Variants in SPART observed in about 807,000 individuals in gnomAD.
SPART encodes spartin, also known as spastic paraplegia 20 (Troyer syndrome).
A neutral mutation model predicts 58.7 loss-of-function variants in SPART; 35 were observed. That is an observed-to-expected ratio of 0.60 (90% confidence interval 0.46 to 0.79). The LOEUF (loss-of-function observed/expected upper bound fraction) is 0.79, where lower values mean the gene tolerates loss of function less well. Ranked by LOEUF, SPART falls within the 30% of genes least tolerant of loss-of-function variation. The probability of loss-of-function intolerance (pLI) is 0.00; values close to 1 mark genes in which losing one functional copy is unlikely to be tolerated. For synonymous variants in SPART, 284 were observed against 280.7 expected, an observed-to-expected ratio of 1.01 and a Z score of -0.12; for missense variants, 730 against 786.1, an observed-to-expected ratio of 0.93 and a Z score of 0.85.
intron 1 of SPART, 80 bp from the exon 2 acceptor site, chr13:36,335,912 T>C (rs1883968208): frequency 1.7e-6 from 2 of 1,147,282 alleles, no homozygotes; most frequent in South Asian, 2.5e-5. Flanking sequence ...TGAATATATT[T>C]TAAGAGGACA....
In SPART at chr13:36,335,365, G is replaced by T. The variant is rs202174672; in HGVS notation, c.466C>A (p.Pro156Thr). The T allele has an allele frequency of 2.5e-6, 4 of 1,614,006 alleles. No individual in the cohort carries two copies. The highest frequency in any genetic ancestry group is 3.3e-5 in the Admixed American group (2 of 59,980). Reference protein sequence around the residue: ...STPSAGAVAAPASLSLPSQSC... With the variant: ...STPSAGAVAATASLSLPSQSC... ...TGTGATGGTAAAGACAGAGAAGCAG[G>T]TGCAGCAACTGCCCCTGCACTTGGA... The change falls in exon 2 of 9, where the codon CCT (proline) becomes ACT (threonine). Residue 156 changes from proline (P) to threonine (T), a missense_variant. Pro to Thr is a conservative substitution (Grantham distance 38). Transcript: ENST00000438666.
chr13:36,359,349 T>TA (rs1247629617), intron 1 of SPART, among the ~76,000 whole-genome samples: 1 of 152,226 alleles, frequency 6.6e-6, no homozygotes, highest in African/African-American at 2.4e-5. Flanking sequence ...GTTTTTCTTA[T>TA]ACCACAGTGT....
At chr13:36,308,369 T>C (rs933562273) in intron 8 of SPART, 1 of 152,160 alleles carries the variant, frequency 6.6e-6, no homozygotes, top group Non-Finnish European at 1.5e-5. Context: ...TAAGACTGAA[T>C]CATCCTCATA....
intron 2 of SPART, among the ~76,000 whole-genome samples, chr13:36,332,059 T>C (rs183068519): frequency 1.3e-5 from 2 of 152,122 alleles, no homozygotes; most frequent in East Asian, 3.9e-4. Context: ...GTTACTATTA[T>C]TGTCATTTTA....
intron 3 of SPART, among the ~76,000 whole-genome samples, chr13:36,330,411 G>A (rs1290048304): frequency 7.0e-6 from 1 of 142,670 alleles, no homozygotes; most frequent in East Asian, 2.0e-4. Context: ...GTGAACAGGG[G>A]CTGATTTTAT....
At chr13:36,344,176 C>T (rs1414202380) in intron 1 of SPART, among the ~76,000 whole-genome samples, 1 of 151,962 alleles carries the variant, frequency 6.6e-6, no homozygotes, top group Admixed American at 6.6e-5. Flanking sequence ...CAGAGTGTCC[C>T]GTCGTAGAAA....
At chr13:36,351,631 T>C (rs1259902687) in intron 1 of SPART, among the ~76,000 whole-genome samples, 6 of 152,228 alleles carry the variant, frequency 3.9e-5, no homozygotes, top group Non-Finnish European at 8.8e-5. Context: ...TAATGGACTT[T>C]AGGAATGATA....
chr13:36,319,348 A>C (rs1593237150), intron 5 of SPART, among the ~76,000 whole-genome samples: 2 of 145,088 alleles, frequency 1.4e-5, no homozygotes, highest in African/African-American at 5.2e-5. Flanking sequence ...AGTATAAGAT[A>C]CCTCTACTCC....
intron 3 of SPART, among the ~76,000 whole-genome samples, chr13:36,329,799 A>G (rs1348524752): frequency 3.3e-5 from 5 of 152,252 alleles, no homozygotes; most frequent in African/African-American, 7.2e-5. Context: ...TTATCTTTGA[A>G]TCAGATGCAG....
intron 5 of SPART, among the ~76,000 whole-genome samples, chr13:36,322,588 G>A (rs1882521777): frequency 6.6e-6 from 1 of 152,272 alleles, no homozygotes; most frequent in East Asian, 1.9e-4. Flanking sequence ...TGAGAAATAT[G>A]AGTTTAAAAC....
chr13:36,344,889 C>A (rs1261375149), intron 1 of SPART, among the ~76,000 whole-genome samples: 1 of 152,160 alleles, frequency 6.6e-6, no homozygotes, highest in Non-Finnish European at 1.5e-5. Context: ...CAGTAGTTCA[C>A]CTAAATTCTA....
intron 5 of SPART, among the ~76,000 whole-genome samples, chr13:36,321,020 A>G (rs1335545761): frequency 6.6e-6 from 1 of 152,204 alleles, no homozygotes; most frequent in East Asian, 1.9e-4. Context: ...AGGACTGGAC[A>G]ATACTTTTAC....
intron 8 of SPART, among the ~76,000 whole-genome samples, chr13:36,305,791 TC>T (rs55757056): frequency 0.24 from 36,950 of 152,000 alleles, 4,896 homozygotes; most frequent in East Asian, 0.51. Context: ...TCCACAGATT[TC>T]CCCCAAATAG....
At chr13:36,346,005 G>A (rs1193654340) in intron 1 of SPART, among the ~76,000 whole-genome samples, 1 of 152,192 alleles carries the variant, frequency 6.6e-6, no homozygotes, top group Non-Finnish European at 1.5e-5. Flanking sequence ...CCACACTCCC[G>A]CGAGAGAAGG....
intron 1 of SPART, among the ~76,000 whole-genome samples, chr13:36,340,228 T>A (rs921474756): frequency 2.0e-5 from 3 of 151,854 alleles, no homozygotes; most frequent in Admixed American, 6.6e-5. Flanking sequence ...CCAGGCGTGG[T>A]GGCAGGCGCC....
chr13:36,342,809 A>T (rs1884706120), intron 1 of SPART, among the ~76,000 whole-genome samples: 1 of 152,106 alleles, frequency 6.6e-6, no homozygotes, highest in African/African-American at 2.4e-5. Context: ...AGGCTTCCAG[A>T]TCCTTTACTC....
intron 1 of SPART, chr13:36,365,659 G>A (rs1239166263): frequency 6.6e-6 from 3 of 456,242 alleles, no homozygotes; most frequent in South Asian, 1.7e-5. Context: ...TTGTAAGGGT[G>A]AGGAATTTTA....
At chr13:36,331,375 C>T in intron 3 of SPART, 24 bp downstream of exon 3, 2 of 1,608,008 alleles carry the variant, frequency 1.2e-6, no homozygotes, top group African/African-American at 2.7e-5. Context: ...TTTTTTTCAC[C>T]CTAAAGATGA....
intron 1 of SPART, among the ~76,000 whole-genome samples, chr13:36,359,338 T>C (rs570907963): frequency 6.6e-6 from 1 of 152,346 alleles, no homozygotes; most frequent in South Asian, 2.1e-4. Context: ...AACCTTAGCA[T>C]GTTTTTCTTA....
Sources: allele counts gnomAD v4.1 joint callset (sites outside exome capture counted in the v4.1 genomes callset), GRCh38; gene constraint gnomAD v4.1.1; transcripts MANE v1.5; gene names NCBI Gene and HGNC (gene_info 2026-07-23, HGNC 2026-07-21).